SCAPER: variants seen among roughly 807,000 people sequenced by gnomAD.
SCAPER encodes the protein S-phase cyclin A associated protein in the ER.
SCAPER carries 98 observed loss-of-function variants against 182.2 expected under a neutral mutation model. The observed-to-expected ratio is 0.54, with a 90% confidence interval of 0.46 to 0.64. The LOEUF is 0.64. SCAPER is among the 30% of genes least tolerant of loss of function. The pLI is 0.00. For synonymous variants in SCAPER, 605 were observed against 564.6 expected (o/e 1.07, Z -1.01); for missense variants, 1,432 against 1,690.0 (o/e 0.85, Z 2.68).
intron 22 of SCAPER, among the ~76,000 whole-genome samples, chr15:76,579,265 C>CA (rs71143342): frequency 0.21 from 10,126 of 49,382 alleles, 2,874 homozygotes; most frequent in African/African-American, 0.39. Context: ...GACTCTGTCT[C>CA]AAAAAAAAAA....
chr15:76,606,962 C>G (rs1222872687), intron 22 of SCAPER, among the ~76,000 whole-genome samples: 2 of 152,186 alleles, frequency 1.3e-5, no homozygotes, highest in Admixed American at 6.5e-5. Context: ...AGTCTTGACT[C>G]TTTATCCAAT....
At chr15:76,878,209 A>G (rs987495035) in intron 2 of SCAPER, among the ~76,000 whole-genome samples, 1 of 151,916 alleles carries the variant, frequency 6.6e-6, no homozygotes. Context: ...ATATGGATAT[A>G]TATCATATAT....
Position 76,360,150 on chromosome 15 carries a change from T to G in SCAPER, c.3856-6010A>C, listed in dbSNP as rs190431634. ...TTATAAGAGTTCTGGAAAAGCCTCCTCCTTTTGCAGGTATGGGCAAAACTG... is the reference window on the plus strand; with the variant it reads ...TTATAAGAGTTCTGGAAAAGCCTCCGCCTTTTGCAGGTATGGGCAAAACTG... On this transcript the variant is annotated intron_variant, in intron 29 of 31. Coordinates refer to ENST00000563290, the MANE Select transcript of SCAPER (RefSeq NM_020843.4). Among the ~76,000 whole-genome samples the G allele has an allele frequency of 2.6e-3, 402 of 152,312 alleles. 3 individuals are homozygous for G. Among genetic ancestry groups the G allele is most frequent in the African/African-American group, 9.3e-3 (387 of 41,564 alleles).
chr15:76,711,619 G>A (rs1012498867), intron 17 of SCAPER, among the ~76,000 whole-genome samples: 1 of 152,140 alleles, frequency 6.6e-6, no homozygotes, highest in Non-Finnish European at 1.5e-5. Flanking sequence ...AGTTTTTAAT[G>A]ATTGCCATTC....
rs188525226 is a variant in SCAPER at position 76,781,619 on chromosome 15, G to A, written c.773-6502C>T. 4.0e-3 allele frequency among the ~76,000 whole-genome samples: 603 copies of A among 152,258 alleles called. 5 individuals carry two copies. Among genetic ancestry groups the A allele is most frequent in the African/African-American group, 0.012 (514 of 41,538 alleles). ...CATCAAGGTTGAAATGAAGGAAAAA[G>A]TGTTAAGGGCAGCCAGAGAGAAAGG... On this transcript the variant is annotated intron_variant, in intron 8 of 31. Coordinates refer to ENST00000563290, the MANE Select transcript of SCAPER (RefSeq NM_020843.4).
At chr15:76,795,916 C>G (rs1043647733) in intron 7 of SCAPER, among the ~76,000 whole-genome samples, 2 of 152,082 alleles carry the variant, frequency 1.3e-5, no homozygotes, top group Non-Finnish European at 2.9e-5. Context: ...CAAAAATTAG[C>G]TGGGCGCGGT....
At chr15:76,845,637 A>T (rs1262018694) in intron 4 of SCAPER, among the ~76,000 whole-genome samples, 3 of 152,142 alleles carry the variant, frequency 2.0e-5, no homozygotes, top group Non-Finnish European at 4.4e-5. Flanking sequence ...ATACCTAGGA[A>T]TTAACCAAAG....
chr15:76,382,230 T>C (rs1490397850), intron 27 of SCAPER, among the ~76,000 whole-genome samples: 1 of 152,182 alleles, frequency 6.6e-6, no homozygotes, highest in Non-Finnish European at 1.5e-5. Flanking sequence ...TTAGCTACCA[T>C]GGCAGGTAAT....
chr15:76,549,321 G>A (rs1327025879), intron 23 of SCAPER, among the ~76,000 whole-genome samples: 3 of 152,022 alleles, frequency 2.0e-5, no homozygotes, highest in Non-Finnish European at 2.9e-5. Flanking sequence ...TGTTTATTGC[G>A]GCACTATTCA....
chr15:76,354,366 T>A lies in SCAPER; in HGVS notation c.3856-226A>T. ...AGATCCTGAAAGTTTTGCACTCATT[T>A]AAAAGTTATTATAATCCACGATTAA... On this transcript the variant is annotated intron_variant, in intron 29 of 31. Transcript: ENST00000563290. The surrounding 1 kb of genome is among the most constrained non-coding windows in gnomAD (Gnocchi z 4.4). The A allele has an allele frequency of 2.2e-6, 1 of 460,632 alleles. No individual in the cohort carries two copies. The highest frequency in any genetic ancestry group is 3.8e-6 in the Non-Finnish European group (1 of 265,918). 28.5% of individuals were successfully genotyped at this position (460,632 alleles called of 1,614,324 possible). A position where few individuals can be genotyped will look rare whatever the true frequency, so the allele number is the denominator to read the frequency against.
At chr15:76,787,623 C>T (rs1472182805) in intron 8 of SCAPER, among the ~76,000 whole-genome samples, 1 of 152,078 alleles carries the variant, frequency 6.6e-6, no homozygotes, top group African/African-American at 2.4e-5. Context: ...CAAGCCTGGC[C>T]AAGAATTTTC....
intron 2 of SCAPER, among the ~76,000 whole-genome samples, chr15:76,878,134 G>A (rs978621072): frequency 5.3e-5 from 8 of 151,970 alleles, no homozygotes; most frequent in African/African-American, 1.9e-4. Context: ...AGAAAGGAAA[G>A]AATAAAACTA....
chr15:76,446,330 ATTACTAT>A (rs2047996019), intron 25 of SCAPER, among the ~76,000 whole-genome samples: 1 of 152,174 alleles, frequency 6.6e-6, no homozygotes, highest in Non-Finnish European at 1.5e-5. Context: ...TGGAAGTTTT[ATTACTAT>A]TTCCAGGGCA....
intron 22 of SCAPER, among the ~76,000 whole-genome samples, chr15:76,599,714 A>C (rs2145772746): frequency 8.2e-6 from 1 of 122,242 alleles, no homozygotes; most frequent in Admixed American, 9.3e-5. Flanking sequence ...AGGTGATTCT[A>C]ATCAGTGATG....
chr15:76,784,672 C>T (rs1213869035), intron 8 of SCAPER, among the ~76,000 whole-genome samples: 6 of 152,072 alleles, frequency 3.9e-5, no homozygotes, highest in Non-Finnish European at 8.8e-5. Context: ...AGCATGGTAC[C>T]AGTACCAAAA....
chr15:76,644,595 A>C (rs978042386), intron 21 of SCAPER, among the ~76,000 whole-genome samples: 1 of 152,000 alleles, frequency 6.6e-6, no homozygotes, highest in African/African-American at 2.4e-5. Flanking sequence ...ATAAAAACAA[A>C]AAAAAAAAAT....
chr15:76,400,844 G>A (rs2059803684), intron 27 of SCAPER, among the ~76,000 whole-genome samples: 1 of 151,922 alleles, frequency 6.6e-6, no homozygotes, highest in African/African-American at 2.4e-5. Context: ...GTAAATCACT[G>A]TTTAAAATCC....
At chr15:76,640,930 G>A (rs2054053919) in intron 21 of SCAPER, among the ~76,000 whole-genome samples, 1 of 152,162 alleles carries the variant, frequency 6.6e-6, no homozygotes, top group African/African-American at 2.4e-5. Context: ...GCCTATCCCA[G>A]AAAAGCAGAT....
intron 25 of SCAPER, among the ~76,000 whole-genome samples, chr15:76,443,596 G>T (rs970005079): frequency 1.1e-4 from 17 of 152,180 alleles, no homozygotes; most frequent in African/African-American, 4.1e-4. Context: ...AATTCATTTT[G>T]TGCTCTAATT....
Sources: gnomAD v4.1 joint callset for allele counts (sites outside exome capture counted in the v4.1 genomes callset) on GRCh38, gnomAD v4.1.1 for gene constraint, Gnocchi (gnomAD v3.1) non-coding constraint, MANE v1.5 for transcripts, NCBI Gene and HGNC (gene_info 2026-07-23, HGNC 2026-07-21) for gene names.